The following ADCY8 variants were observed in gnomAD, a reference collection of about 807,000 sequenced individuals.
The protein encoded by ADCY8 is adenylate cyclase 8, also known as adenylate cyclase type 8.
A neutral mutation model predicts 119.7 loss-of-function variants in ADCY8; 51 were observed. That is an observed-to-expected ratio of 0.43 (90% CI 0.34 to 0.54). ADCY8 has a LOEUF of 0.54. Among genes scored for constraint, ADCY8 ranks in the 20% least tolerant of loss-of-function variants. ADCY8 has a pLI of 0.03. For synonymous variants in ADCY8, 665 were observed against 651.0 expected, an observed-to-expected ratio of 1.02 and a Z score of -0.33; for missense variants, 1,383 against 1,598.8, an observed-to-expected ratio of 0.87 and a Z score of 2.30.
chr8:130,840,949 T>TA (rs1185222706), intron 11 of ADCY8, among the ~76,000 whole-genome samples: 2 of 152,200 alleles, frequency 1.3e-5, no homozygotes, highest in Non-Finnish European at 2.9e-5. Context: ...CCTCAGTTTT[T>TA]ACCGTTAAAA....
At chr8:130,988,377 A>G (rs972563104) in intron 2 of ADCY8, among the ~76,000 whole-genome samples, 3 of 152,244 alleles carry the variant, frequency 2.0e-5, no homozygotes, top group African/African-American at 7.2e-5. Context: ...AAGCCTACAC[A>G]GTATTTTACT....
chr8:131,022,974 G>A (rs1460577911), intron 1 of ADCY8, among the ~76,000 whole-genome samples: 1 of 152,114 alleles, frequency 6.6e-6, no homozygotes, highest in Non-Finnish European at 1.5e-5. Context: ...GAGAGTCAGT[G>A]GGAACCCATG....
At chr8:131,006,456 T>C (rs1390514792) in intron 1 of ADCY8, among the ~76,000 whole-genome samples, 2 of 152,140 alleles carry the variant, frequency 1.3e-5, no homozygotes, top group East Asian at 3.9e-4. Flanking sequence ...TCCTGGGCAG[T>C]GGGGCTTTTT....
chr8:130,787,618 G>A (rs1472150199), intron 15 of ADCY8, among the ~76,000 whole-genome samples: 1 of 152,194 alleles, frequency 6.6e-6, no homozygotes, highest in East Asian at 1.9e-4. Context: ...GTGTAGTGAT[G>A]TGTGTATGTC....
chr8:130,905,838 G>A (rs1455170458), intron 6 of ADCY8, among the ~76,000 whole-genome samples: 1 of 152,102 alleles, frequency 6.6e-6, no homozygotes, highest in Non-Finnish European at 1.5e-5. Flanking sequence ...TCATTCTGGA[G>A]GACAAAGTGA....
At chr8:130,780,951 G>A (rs575640025) in intron 17 of ADCY8, 74 bp from the exon 18 acceptor site, 9 of 1,558,620 alleles carry the variant, frequency 5.8e-6, no homozygotes, top group East Asian at 2.3e-5. Context: ...CCCTCCCTGG[G>A]ACAGTGATCA....
At chr8:131,035,631 C>A (rs1476622193) in intron 1 of ADCY8, among the ~76,000 whole-genome samples, 1 of 152,090 alleles carries the variant, frequency 6.6e-6, no homozygotes, top group African/African-American at 2.4e-5. Context: ...GATGTCATTT[C>A]CTTCAGGGTA....
At chr8:130,806,022 C>T (rs976499316) in intron 14 of ADCY8, among the ~76,000 whole-genome samples, 7 of 152,274 alleles carry the variant, frequency 4.6e-5, no homozygotes, top group Non-Finnish European at 7.4e-5. Context: ...GGAGAGACTC[C>T]CTCCCCGGCA....
In ADCY8 at chr8:131,015,025, C is replaced by T. The variant is rs1051856783; in HGVS notation, c.960+24349G>A. Among the ~76,000 whole-genome samples, 3 of 121,068 alleles carry T rather than the reference C, an allele frequency of 2.5e-5. No homozygotes were observed. The East Asian group carries it at 1.0e-3, about 40-fold the overall frequency. 79.4% of individuals were successfully genotyped at this position (121,068 alleles called of 152,430 possible). A position where few individuals can be genotyped will look rare whatever the true frequency, so the allele number is the denominator to read the frequency against. ...AGGCATAAATGTGGAGTATTCTGGG[C>T]ACACTAAGGTCTTACCCAGGGCACA... On this transcript the variant is annotated intron_variant, in intron 1 of 17. Coordinates refer to ENST00000286355, the MANE Select transcript of ADCY8 (RefSeq NM_001115.3).
intron 9 of ADCY8, among the ~76,000 whole-genome samples, chr8:130,858,522 C>T (rs1422897496): frequency 1.3e-5 from 2 of 152,172 alleles, no homozygotes; most frequent in East Asian, 3.9e-4. Context: ...ATCCCATTAA[C>T]ATAACTTATC....
At chr8:130,848,631 AC>A (rs1447408511) in intron 10 of ADCY8, among the ~76,000 whole-genome samples, 78 of 152,022 alleles carry the variant, frequency 5.1e-4, no homozygotes, top group Non-Finnish European at 1.1e-3. Context: ...ACACTTGGGG[AC>A]CCTCCCTCAG....
intron 5 of ADCY8, among the ~76,000 whole-genome samples, chr8:130,925,905 G>T (rs1338707358): frequency 6.6e-6 from 1 of 152,100 alleles, no homozygotes; most frequent in Non-Finnish European, 1.5e-5. Flanking sequence ...CCCCAAACCA[G>T]TTTCCTTCCC....
chr8:130,825,070 T>A (rs1315930897), intron 12 of ADCY8, among the ~76,000 whole-genome samples: 1 of 152,222 alleles, frequency 6.6e-6, no homozygotes, highest in African/African-American at 2.4e-5. Flanking sequence ...TTAATTGATG[T>A]GTAACAATTG....
rs116357250 is a variant in ADCY8, at chr8:130,986,227, C to T, written c.1110+4166G>A. On this transcript the variant is annotated intron_variant, in intron 2 of 17. Coordinates refer to ENST00000286355, the MANE Select transcript of ADCY8 (RefSeq NM_001115.3). ...TCCTGAATTGGGTAAAAGTGCTCTT[C>T]CCACTTAGTTTTCTAATGGAGGGCA... Among the ~76,000 whole-genome samples, 708 of 152,262 alleles carry T rather than the reference C, an allele frequency of 4.6e-3. 6 individuals are homozygous for T. The highest frequency in any genetic ancestry group is 0.017 in the African/African-American group (687 of 41,556).
At chr8:130,964,103 T>C (rs1201446370) in intron 2 of ADCY8, among the ~76,000 whole-genome samples, 3 of 152,344 alleles carry the variant, frequency 2.0e-5, no homozygotes, top group East Asian at 1.9e-4. Flanking sequence ...TCGTACGTCA[T>C]GTAGACCTGC....
chr8:130,870,418 C>A (rs1203761531), intron 8 of ADCY8, among the ~76,000 whole-genome samples: 1 of 152,156 alleles, frequency 6.6e-6, no homozygotes, highest in Non-Finnish European at 1.5e-5. Context: ...CCATTGCCTT[C>A]CCAATTCAGA....
intron 11 of ADCY8, among the ~76,000 whole-genome samples, chr8:130,840,791 C>T (rs72712465): frequency 0.033 from 5,046 of 152,148 alleles, 115 homozygotes; most frequent in South Asian, 0.083. Context: ...TTTTCCCAGA[C>T]CTTTTAATGA....
chr8:130,855,276 C>G (rs187496719), intron 9 of ADCY8, among the ~76,000 whole-genome samples: 1 of 152,026 alleles, frequency 6.6e-6, no homozygotes, highest in Non-Finnish European at 1.5e-5. Flanking sequence ...AAGCATCAAA[C>G]AGAAACAAAA....
chr8:130,894,996 A>C (rs1819334081), intron 7 of ADCY8, among the ~76,000 whole-genome samples: 1 of 152,082 alleles, frequency 6.6e-6, no homozygotes, highest in African/African-American at 2.4e-5. Context: ...GTGTAGCTCA[A>C]TGAAGAGATT....
Sources: gnomAD v4.1 joint callset for allele counts (sites outside exome capture counted in the v4.1 genomes callset) on GRCh38, gnomAD v4.1.1 for gene constraint, MANE v1.5 for transcripts, NCBI Gene and HGNC (gene_info 2026-07-23, HGNC 2026-07-21) for gene names.